Variants in ADGRL3 observed in about 807,000 individuals in gnomAD.
The protein encoded by ADGRL3 is adhesion G protein-coupled receptor L3.
ADGRL3 carries 62 observed loss-of-function variants against 153.5 expected under a neutral mutation model. That is an observed-to-expected ratio of 0.40 (90% CI 0.33 to 0.50). The LOEUF (loss-of-function observed/expected upper bound fraction) is 0.50. Among genes scored for constraint, ADGRL3 ranks in the 20% least tolerant of loss-of-function variants. The pLI, the probability that ADGRL3 is intolerant of heterozygous loss-of-function variation, is 0.47. For missense variants in ADGRL3, 1,641 were observed against 1,859.4 expected, an observed-to-expected ratio of 0.88 and a Z score of 2.16; for synonymous variants, 710 against 672.5, an observed-to-expected ratio of 1.06 and a Z score of -0.86.
chr4:61,299,598 T>A (rs547643908), intron 1 of ADGRL3, among the ~76,000 whole-genome samples: 290 of 152,312 alleles, frequency 1.9e-3, no homozygotes, highest in Non-Finnish European at 3.5e-3. Flanking sequence ...ACTTTCAGAG[T>A]CAGCATCAAC....
chr4:61,463,432 C>T (rs573860390), intron 2 of ADGRL3, among the ~76,000 whole-genome samples: 1 of 152,174 alleles, frequency 6.6e-6, no homozygotes. Context: ...AGAAGTGCTG[C>T]AGACTTTTAA....
rs898696826 is a variant in ADGRL3, at chr4:61,413,488, G to A, written c.-174+30299G>A. Reference sequence around the variant, plus strand: ...TTTTTGGGGGTTGCATAGAGGTGCCGGGGTTATAACCTAGTGGAGATGGAA... The same window carrying A: ...TTTTTGGGGGTTGCATAGAGGTGCCAGGGTTATAACCTAGTGGAGATGGAA... On this transcript the variant is annotated intron_variant, in intron 2 of 26. Coordinates refer to ENST00000683033, the MANE Select transcript of ADGRL3 (RefSeq NM_001387552.1). Among the ~76,000 whole-genome samples, 6 of 152,094 alleles carry A rather than the reference G, an allele frequency of 3.9e-5. No individual in the cohort carries two copies. The South Asian group carries it at 8.3e-4, about 21-fold the overall frequency.
intron 2 of ADGRL3, among the ~76,000 whole-genome samples, chr4:61,410,405 C>T (rs2097071102): frequency 6.6e-6 from 1 of 151,932 alleles, no homozygotes; most frequent in Non-Finnish European, 1.5e-5. Flanking sequence ...TATTTGCCCT[C>T]TCTTTAAATA....
At chr4:61,606,339 CTG>C (rs1409209701) in intron 5 of ADGRL3, among the ~76,000 whole-genome samples, 9 of 152,154 alleles carry the variant, frequency 5.9e-5, no homozygotes, top group African/African-American at 9.7e-5. Flanking sequence ...TTTCTAATGA[CTG>C]TGTTAGTTTG....
intron 6 of ADGRL3, among the ~76,000 whole-genome samples, chr4:61,686,698 T>C (rs1428393995): frequency 6.6e-6 from 1 of 152,112 alleles, no homozygotes; most frequent in Non-Finnish European, 1.5e-5. Flanking sequence ...TATTGTCAAC[T>C]ATAGTCACCG....
chr4:61,477,653 T>C (rs1393663101), intron 2 of ADGRL3, among the ~76,000 whole-genome samples: 1 of 152,164 alleles, frequency 6.6e-6, no homozygotes, highest in Non-Finnish European at 1.5e-5. Flanking sequence ...AAAGCTAATA[T>C]TATCTCCTCT....
intron 1 of ADGRL3, among the ~76,000 whole-genome samples, chr4:61,358,009 T>TA (rs895922889): frequency 4.6e-5 from 7 of 152,166 alleles, no homozygotes; most frequent in African/African-American, 1.7e-4. Context: ...TGCAAGTAGT[T>TA]ACGAGGGTGA....
intron 17 of ADGRL3, among the ~76,000 whole-genome samples, chr4:61,974,590 C>A (rs2099041469): frequency 6.6e-6 from 1 of 152,110 alleles, no homozygotes; most frequent in South Asian, 2.1e-4. Context: ...TCACAATATC[C>A]TGAAGCCTCA....
chr4:61,517,118 A>T (rs1364385189), intron 3 of ADGRL3, among the ~76,000 whole-genome samples, 197 bp from the exon 4 acceptor site: 1 of 150,302 alleles, frequency 6.7e-6, no homozygotes, highest in African/African-American at 2.5e-5. Flanking sequence ...GTGTTTAACT[A>T]GGATAGCATT....
chr4:61,705,904 G>A (rs1026667275), intron 6 of ADGRL3, among the ~76,000 whole-genome samples: 1 of 152,006 alleles, frequency 6.6e-6, no homozygotes, highest in Non-Finnish European at 1.5e-5. Flanking sequence ...GCTGTTATTC[G>A]GGCTTTGATA....
At chr4:61,544,599 C>G (rs12651317) in intron 4 of ADGRL3, among the ~76,000 whole-genome samples, 151,906 of 152,314 alleles carry the variant, frequency 1, 75,755 homozygotes, top group Non-Finnish European at 1. Context: ...GCAAGTATTA[C>G]CTTATAAACC....
intron 1 of ADGRL3, among the ~76,000 whole-genome samples, chr4:61,252,315 C>T (rs959110658): frequency 2.6e-5 from 4 of 151,986 alleles, no homozygotes; most frequent in Non-Finnish European, 5.9e-5. Context: ...CTATAAGGAA[C>T]AACAGGAGGT....
At chr4:61,610,413 T>C (rs936926171) in intron 5 of ADGRL3, among the ~76,000 whole-genome samples, 1 of 152,172 alleles carries the variant, frequency 6.6e-6, no homozygotes, top group African/African-American at 2.4e-5. Flanking sequence ...GATTTAGACA[T>C]GATAGATCAT....
intron 6 of ADGRL3, among the ~76,000 whole-genome samples, chr4:61,697,386 C>A (rs991576703): frequency 1.3e-5 from 2 of 151,862 alleles, no homozygotes; most frequent in Non-Finnish European, 2.9e-5. Flanking sequence ...CATGGTGAAA[C>A]CCTGTCTTTA....
chr4:61,414,632 AAGG>A (rs1397307944), intron 2 of ADGRL3, among the ~76,000 whole-genome samples: 1 of 151,976 alleles, frequency 6.6e-6, no homozygotes, highest in Non-Finnish European at 1.5e-5. Context: ...TATTAAGGAA[AAGG>A]AGGAGACAGA....
intron 15 of ADGRL3, among the ~76,000 whole-genome samples, chr4:61,936,774 A>T (rs1368143738): frequency 7.4e-6 from 1 of 135,998 alleles, no homozygotes; most frequent in Non-Finnish European, 1.6e-5. Context: ...ACATATGTAC[A>T]TATGCATACA....
At chr4:61,241,122 G>A (rs926349558) in intron 1 of ADGRL3, among the ~76,000 whole-genome samples, 2 of 151,844 alleles carry the variant, frequency 1.3e-5, no homozygotes, top group Non-Finnish European at 2.9e-5. Context: ...GATTTATAGC[G>A]AAGGTATAAA....
chr4:62,043,512 A>G (rs1729501313), intron 24 of ADGRL3, among the ~76,000 whole-genome samples: 1 of 152,114 alleles, frequency 6.6e-6, no homozygotes. Flanking sequence ...TCATAAAATC[A>G]CTTGTCTAAT....
intron 5 of ADGRL3, among the ~76,000 whole-genome samples, chr4:61,667,137 A>G (rs1422396738): frequency 1.3e-5 from 2 of 152,152 alleles, no homozygotes; most frequent in Non-Finnish European, 2.9e-5. Context: ...GAAATATTCT[A>G]TGGATGTTGA....
Sources: gnomAD v4.1 joint callset for allele counts (sites outside exome capture counted in the v4.1 genomes callset) on GRCh38, gnomAD v4.1.1 for gene constraint, MANE v1.5 for transcripts, NCBI Gene and HGNC (gene_info 2026-07-23, HGNC 2026-07-21) for gene names.